The following IL36B variants were observed in gnomAD, a reference collection of about 807,000 sequenced individuals.
IL36B encodes the protein interleukin 36 beta.
Under a neutral mutation model 19.3 loss-of-function variants are expected in IL36B, and 23 were observed. The observed-to-expected ratio is 1.19, with a 90% CI of 0.86 to 1.69. The LOEUF is 1.69. Ranked by LOEUF, IL36B falls within the 40% of genes most tolerant of loss-of-function variation. IL36B has a pLI of 0.00. For missense variants in IL36B, 217 were observed against 200.5 expected, an observed-to-expected ratio of 1.08 and a Z score of -0.50; for synonymous variants, 59 against 59.7, an observed-to-expected ratio of 0.99 and a Z score of 0.05.
chr2:113,030,897 T>C (rs1480533886), intron 3 of IL36B, 151 bp downstream of exon 3: 5 of 634,482 alleles, frequency 7.9e-6, no homozygotes, highest in African/African-American at 3.6e-5. Context: ...AAGGGAATCA[T>C]AGTGTCCTTT....
At chr2:113,038,336 G>C (rs1342085562) in intron 1 of IL36B, among the ~76,000 whole-genome samples, 3 of 152,236 alleles carry the variant, frequency 2.0e-5, no homozygotes, top group Non-Finnish European at 1.5e-5. Flanking sequence ...CCAGTGTCTA[G>C]TATGGTCATT....
chr2:113,048,184 TA>T (rs1685379978), intron 1 of IL36B, among the ~76,000 whole-genome samples: 1 of 152,228 alleles, frequency 6.6e-6, no homozygotes, highest in African/African-American at 2.4e-5. Flanking sequence ...ATGCAAATAC[TA>T]ATCACTTGAA....
chr2:113,049,299 T>A (rs976871097), intron 1 of IL36B, among the ~76,000 whole-genome samples: 13 of 152,328 alleles, frequency 8.5e-5, no homozygotes, highest in African/African-American at 3.1e-4. Context: ...TACATTGGAC[T>A]ACATCAAAAT....
At chr2:113,036,732 C>G (rs1473422221) in intron 1 of IL36B, among the ~76,000 whole-genome samples, 1 of 152,194 alleles carries the variant, frequency 6.6e-6, no homozygotes, top group Non-Finnish European at 1.5e-5. Flanking sequence ...TGATCCTGCC[C>G]AGAGCGCCTT....
Position 113,031,146 on chromosome 2 carries a change from G to A in IL36B, c.23C>T (p.Ala8Val), listed in dbSNP as rs1264312846. ...ATCACGAATAGCATAGGATTTGGGT[G>A]CTGCCTCCCCTGCCAGATGACAAAA... Residue 8 changes from alanine (A) to valine (V), a missense_variant, in exon 3 of 6, where the codon GCA becomes GTA. Transcript: ENST00000259213. The A allele has an allele frequency of 4.3e-6, 7 of 1,613,430 alleles. No individual in the cohort carries two copies. Among genetic ancestry groups the A allele is most frequent in the Non-Finnish European group, 5.9e-6 (7 of 1,179,464 alleles).
At chr2:113,045,290 C>T (rs563311919) in intron 1 of IL36B, among the ~76,000 whole-genome samples, 129 of 152,160 alleles carry the variant, frequency 8.5e-4, no homozygotes, top group Non-Finnish European at 1.6e-3. Flanking sequence ...AAATATGTTG[C>T]TCTACTGCTT....
In IL36B at chr2:113,022,298, G is replaced by A. The variant is rs4849142; in HGVS notation, c.*376C>T. The A allele has an allele frequency of 0.49, 80,532 of 163,954 alleles. 22,181 individuals are homozygous for A. Among genetic ancestry groups the A allele is most frequent in the East Asian group, 0.7 (3,870 of 5,556 alleles). The allele number at this position is 163,954 out of a possible 1,614,324, so 10.2% of individuals were successfully genotyped here. On this transcript the variant is annotated 3_prime_UTR_variant, in exon 6 of 6. Transcript: ENST00000259213. ...GTTTCTTCCATAGGACTTAACCCCT[G>A]TACATCAGGAAAAGAAATAACAGAT...
intron 1 of IL36B, among the ~76,000 whole-genome samples, chr2:113,047,787 T>C (rs775061812): frequency 1.3e-5 from 2 of 151,964 alleles, no homozygotes; most frequent in Non-Finnish European, 2.9e-5. Flanking sequence ...AGACTTAAAG[T>C]GGTATAAAAA....
intron 1 of IL36B, among the ~76,000 whole-genome samples, chr2:113,044,660 A>G (rs1209241096): frequency 6.6e-6 from 1 of 152,080 alleles, no homozygotes; most frequent in East Asian, 1.9e-4. Flanking sequence ...TTTGCTTTTT[A>G]ATTCAATCTG....
chr2:113,039,887 G>A (rs558662007), intron 1 of IL36B, among the ~76,000 whole-genome samples: 67 of 152,096 alleles, frequency 4.4e-4, no homozygotes, highest in African/African-American at 1.5e-3. Flanking sequence ...TGCTGACATC[G>A]GTGAATAAGC....
chr2:113,033,512 T>C (rs148104667), intron 1 of IL36B, among the ~76,000 whole-genome samples: 2,146 of 152,306 alleles, frequency 0.014, 34 homozygotes, highest in Non-Finnish European at 0.019. Context: ...GTACTAGGAT[T>C]ACAGGCGTGA....
intron 5 of IL36B, among the ~76,000 whole-genome samples, chr2:113,025,392 C>T (rs1251561886): frequency 6.6e-6 from 1 of 152,132 alleles, no homozygotes; most frequent in Non-Finnish European, 1.5e-5. Flanking sequence ...TGGGAAGATG[C>T]TAATACATGA....
intron 1 of IL36B, among the ~76,000 whole-genome samples, chr2:113,040,573 A>C (rs1232717164): frequency 6.6e-6 from 1 of 152,230 alleles, no homozygotes; most frequent in East Asian, 1.9e-4. Flanking sequence ...TAGAAAAGTT[A>C]ACTGTATTTT....
chr2:113,032,821 T>G (rs1026326105), intron 1 of IL36B, among the ~76,000 whole-genome samples: 7 of 152,188 alleles, frequency 4.6e-5, no homozygotes, highest in African/African-American at 1.7e-4. Context: ...GAAAGAAAGC[T>G]GATATGGCCC....
chr2:113,036,130 A>G (rs939835275), intron 1 of IL36B, among the ~76,000 whole-genome samples: 1 of 151,940 alleles, frequency 6.6e-6, no homozygotes, highest in African/African-American at 2.4e-5. Context: ...TTTTTTTTGT[A>G]GAGATGAGTT....
intron 1 of IL36B, among the ~76,000 whole-genome samples, chr2:113,047,017 A>G (rs975576309): frequency 3.3e-5 from 5 of 152,330 alleles, no homozygotes; most frequent in Middle Eastern, 3.4e-3. Context: ...TTATTTATTT[A>G]TTTAGTCAGC....
intron 1 of IL36B, among the ~76,000 whole-genome samples, chr2:113,050,256 C>T (rs4603767): frequency 0.22 from 33,083 of 151,926 alleles, 3,988 homozygotes; most frequent in East Asian, 0.53. Flanking sequence ...ACACACACCA[C>T]ACAGCCTTAA....
At chr2:113,043,923 T>C (rs1007248500) in intron 1 of IL36B, among the ~76,000 whole-genome samples, 1 of 152,234 alleles carries the variant, frequency 6.6e-6, no homozygotes, top group Non-Finnish European at 1.5e-5. Context: ...TTCTGGACTC[T>C]ATCCTTTTTC....
At chr2:113,042,131 C>T (rs1685269363) in intron 1 of IL36B, among the ~76,000 whole-genome samples, 1 of 152,162 alleles carries the variant, frequency 6.6e-6, no homozygotes, top group Non-Finnish European at 1.5e-5. Flanking sequence ...GTTTTAAGGG[C>T]TGTATCTGAG....
Sources: allele counts gnomAD v4.1 joint callset (sites outside exome capture counted in the v4.1 genomes callset), GRCh38; gene constraint gnomAD v4.1.1; transcripts MANE v1.5; gene names NCBI Gene and HGNC (gene_info 2026-07-23, HGNC 2026-07-21).